Variants in PHIP observed in about 807,000 individuals in gnomAD.
PHIP encodes PHIP subunit of CUL4-Ring ligase complex.
A neutral mutation model predicts 236.8 loss-of-function variants in PHIP; 54 were observed. That is an observed-to-expected ratio of 0.23 (90% CI 0.18 to 0.29). The LOEUF (loss-of-function observed/expected upper bound fraction) is 0.29. Among genes scored for constraint, PHIP ranks in the 10% least tolerant of loss-of-function variants. PHIP has a pLI of 1.00. For missense variants in PHIP, 1,370 were observed against 2,190.8 expected (o/e 0.63, Z 7.48); for synonymous variants, 756 against 718.9 (o/e 1.05, Z -0.83).
At chr6:79,065,999 A>G (rs1453821195) in intron 4 of PHIP, among the ~76,000 whole-genome samples, 1 of 152,038 alleles carries the variant, frequency 6.6e-6, no homozygotes, top group Non-Finnish European at 1.5e-5. Context: ...TTTTAATTTA[A>G]ATTAGCTTTT....
chr6:79,020,481 T>A (rs1771062690), intron 9 of PHIP, among the ~76,000 whole-genome samples: 1 of 152,180 alleles, frequency 6.6e-6, no homozygotes, highest in African/African-American at 2.4e-5. Flanking sequence ...TAAATTAATC[T>A]GAATTATGAA....
At chr6:78,980,497 AGGG>A (rs1391224948) in intron 23 of PHIP, among the ~76,000 whole-genome samples, 2 of 152,082 alleles carry the variant, frequency 1.3e-5, no homozygotes, top group Non-Finnish European at 2.9e-5. Context: ...AGATATCTCC[AGGG>A]TTTCTGGTAT....
At chr6:79,060,106 GAAAA>G (rs11295038) in intron 6 of PHIP, among the ~76,000 whole-genome samples, 13 of 145,246 alleles carry the variant, frequency 9.0e-5, no homozygotes, top group African/African-American at 3.3e-4. Flanking sequence ...GCCAAAAAAA[GAAAA>G]AAAAAAAAAA....
In PHIP at chr6:79,018,025, GA is replaced by G. The variant is rs1270101821; in HGVS notation, c.995-443del. 2.0e-5 allele frequency among the ~76,000 whole-genome samples: 3 copies of G among 151,930 alleles called. No individual in the cohort carries two copies. The East Asian group carries it at 5.8e-4, about 29-fold the overall frequency. ...CAATTAAATGAGGCTGCTCTCTTCA[GA>G]ACTCCCCTAAGACTTTGTTTTGTAG... On this transcript the variant is annotated intron_variant, in intron 10 of 39. Transcript: ENST00000275034.
At chr6:78,967,055 A>G (rs1767189410) in intron 27 of PHIP, among the ~76,000 whole-genome samples, 1 of 152,228 alleles carries the variant, frequency 6.6e-6, no homozygotes, top group African/African-American at 2.4e-5. Flanking sequence ...TTAGCAATTA[A>G]TCTGAATCAG....
chr6:78,947,913 G>T, intron 35 of PHIP, 138 bp from the exon 36 acceptor site: 1 of 469,756 alleles, frequency 2.1e-6, no homozygotes, highest in Non-Finnish European at 3.8e-6. Context: ...CCCTTATCAA[G>T]AGTCCCTTTT....
intron 24 of PHIP, among the ~76,000 whole-genome samples, chr6:78,972,550 G>C (rs1043586269): frequency 2.6e-5 from 4 of 152,168 alleles, no homozygotes; most frequent in Admixed American, 6.5e-5. Context: ...TGAGCTGAGA[G>C]AAGAAGGCTT....
chr6:79,074,230 A>C (rs775062195), intron 4 of PHIP, among the ~76,000 whole-genome samples: 4 of 152,152 alleles, frequency 2.6e-5, no homozygotes, highest in Non-Finnish European at 4.4e-5. Context: ...AAATCATTTT[A>C]ACAGATTGGC....
At chr6:79,025,455 T>C in intron 9 of PHIP, 64 bp downstream of exon 9, 2 of 933,068 alleles carry the variant, frequency 2.1e-6, no homozygotes, top group South Asian at 1.4e-5. Flanking sequence ...GACTACTTTA[T>C]ACTTTTGCAA....
chr6:78,955,241 T>G lies in PHIP; in HGVS notation c.3894A>C (p.Arg1298=). ...ACTAAAACTATATTACCTTCCTTTTTCGAGTAGAAGTTCCTGGCACATCAG... is the reference window on the plus strand; with the variant it reads ...ACTAAAACTATATTACCTTCCTTTTGCGAGTAGAAGTTCCTGGCACATCAG... The part of the protein sequence containing the change: ...KDADVPGTST[R]KRKDHQPRRR... The change falls in exon 34 of 40, where the codon CGA becomes CGC. Residue 1298 remains arginine, a synonymous_variant. Coordinates refer to ENST00000275034, the MANE Select transcript of PHIP (RefSeq NM_017934.7). 6.2e-7 allele frequency: 1 copy of G among 1,607,678 alleles called. No individual in the cohort carries two copies. Among genetic ancestry groups the G allele is most frequent in the Non-Finnish European group, 8.5e-7 (1 of 1,175,370 alleles).
At chr6:78,941,459 G>A in intron 39 of PHIP, 129 bp from the exon 40 acceptor site, 1 of 572,200 alleles carries the variant, frequency 1.7e-6, no homozygotes, top group Non-Finnish European at 3.0e-6. Flanking sequence ...ATTAAAATGA[G>A]AAAAAAGAAC....
Position 78,997,449 on chromosome 6 carries a change from C to T in PHIP, c.2166G>A (p.Arg722=), listed in dbSNP as rs750248559. The T allele has an allele frequency of 6.8e-6, 11 of 1,613,920 alleles. No homozygotes were observed. In the Admixed American group the frequency reaches 1.8e-4, roughly 27 times the overall value. Residue 722 remains arginine (R), a synonymous_variant, in exon 19 of 40, where the codon AGG becomes AGA. Transcript: ENST00000275034. The part of the protein sequence containing the change: ...TERDLVAWSR[R]VVVPELSAGV... ...CAGCTGATAGCTCGGGTACTACCACCCTTCGACTCCAAGCTACCAGATCCC... is the reference window on the plus strand; with the variant it reads ...CAGCTGATAGCTCGGGTACTACCACTCTTCGACTCCAAGCTACCAGATCCC...
chr6:79,070,156 C>T (rs1333219231), intron 4 of PHIP, among the ~76,000 whole-genome samples: 1 of 152,090 alleles, frequency 6.6e-6, no homozygotes, highest in Non-Finnish European at 1.5e-5. Context: ...CATTTAACTG[C>T]TTAAAATAAC....
At position 78,938,735 on chromosome 6, in the gene PHIP, A is replaced by T. The variant is rs919690288; in HGVS notation, c.*1958T>A. 3 of 151,672 alleles carry T rather than the reference A, an allele frequency of 2.0e-5. No individual in the cohort carries two copies. The highest frequency in any genetic ancestry group is 7.2e-5 in the African/African-American group (3 of 41,408). 9.4% of individuals were successfully genotyped at this position (151,672 alleles called of 1,614,324 possible). A position where few individuals can be genotyped will look rare whatever the true frequency, so the allele number is the denominator to read the frequency against. ...CAAAAAACCTGAAAAATTTGAAATT[A>T]TTTTTCAACTGCAAAATCTCAGCAA... On this transcript the variant is annotated 3_prime_UTR_variant, in exon 40 of 40. Coordinates refer to ENST00000275034, the MANE Select transcript of PHIP (RefSeq NM_017934.7).
Position 78,948,366 on chromosome 6 carries a change from AG to A in PHIP, c.4054-592del, listed in dbSNP as rs574656434. 3.2e-3 allele frequency among the ~76,000 whole-genome samples: 487 copies of A among 152,352 alleles called. 3 individuals are homozygous for A. The highest frequency in any genetic ancestry group is 0.01 in the African/African-American group (436 of 41,586). The stretch of plus-strand genomic sequence containing the variant: ...TACCTAGTCAATAGAGTATAAAATT[AG>A]GTAACAGATTGGAACCAATAAAAAC... On this transcript the variant is annotated intron_variant, in intron 35 of 39. Coordinates refer to ENST00000275034, the MANE Select transcript of PHIP (RefSeq NM_017934.7).
intron 7 of PHIP, among the ~76,000 whole-genome samples, chr6:79,033,949 G>C (rs1554208719): frequency 6.6e-6 from 1 of 152,148 alleles, no homozygotes; most frequent in Non-Finnish European, 1.5e-5. Flanking sequence ...AGAGAAAAAT[G>C]GGGAAGGGCC....
chr6:78,951,986 A>G (rs1485825376), intron 35 of PHIP, among the ~76,000 whole-genome samples: 1 of 151,978 alleles, frequency 6.6e-6, no homozygotes, highest in East Asian at 1.9e-4. Flanking sequence ...GGTCTCCTCC[A>G]TTTTTTCTGT....
At chr6:79,016,421 T>A in intron 13 of PHIP, 123 bp downstream of exon 13, 1 of 477,088 alleles carries the variant, frequency 2.1e-6, no homozygotes, top group Non-Finnish European at 3.8e-6. Context: ...TACCTCTAGT[T>A]ATCGCAGAAA....
At chr6:79,059,626 A>ATATGTAT (rs1562216785) in intron 6 of PHIP, among the ~76,000 whole-genome samples, 1 of 43,206 alleles carries the variant, frequency 2.3e-5, no homozygotes, top group Non-Finnish European at 5.1e-5. Context: ...TATATATATA[A>ATATGTAT]AAATGCCAAA....
Sources: gnomAD v4.1 joint callset for allele counts (sites outside exome capture counted in the v4.1 genomes callset) on GRCh38, gnomAD v4.1.1 for gene constraint, MANE v1.5 for transcripts, NCBI Gene and HGNC (gene_info 2026-07-23, HGNC 2026-07-21) for gene names.